Variants in UPB1 observed in about 807,000 individuals in gnomAD.
UPB1 encodes beta-ureidopropionase.
In UPB1, 40 loss-of-function variants were observed where a neutral mutation model predicts 49.1. The observed-to-expected ratio is 0.81, with a 90% confidence interval of 0.63 to 1.06. The LOEUF (loss-of-function observed/expected upper bound fraction) is 1.06, where lower values mean the gene tolerates loss of function less well. Ranked by LOEUF, UPB1 falls within the 50% of genes least tolerant of loss-of-function variation. UPB1 has a pLI of 0.00. For synonymous variants in UPB1, 207 were observed against 198.2 expected, an observed-to-expected ratio of 1.04 and a Z score of -0.38; for missense variants, 499 against 505.9, an observed-to-expected ratio of 0.99 and a Z score of 0.13.
At chr22:24,518,157 A>AG (rs2044329073) in intron 6 of UPB1, 1 of 152,116 alleles carries the variant, frequency 6.6e-6, no homozygotes, top group Non-Finnish European at 1.5e-5. Flanking sequence ...AGAACAAGAC[A>AG]GAAAAAAAAA....
intron 7 of UPB1, among the ~76,000 whole-genome samples, chr22:24,520,672 A>G (rs1391425790): frequency 6.6e-6 from 1 of 152,214 alleles, no homozygotes; most frequent in Non-Finnish European, 1.5e-5. Flanking sequence ...AAGATCTTTG[A>G]CATGGCAGTT....
chr22:24,526,218 C>T lies in UPB1; in HGVS notation c.*424C>T, dbSNP rs1398663614. ...AGCCTACAGCAAGGCTGTGGTGGGTCGGATGGTCTTTGGATGTGTCAGCTT... is the reference window on the plus strand; with the variant it reads ...AGCCTACAGCAAGGCTGTGGTGGGTTGGATGGTCTTTGGATGTGTCAGCTT... On this transcript the variant is annotated 3_prime_UTR_variant, in exon 10 of 10. Transcript: ENST00000326010. 1.0e-5 allele frequency: 3 copies of T among 296,794 alleles called. No individual in the cohort carries two copies. The highest frequency in any genetic ancestry group is 6.2e-5 in the South Asian group (2 of 32,122). The allele number at this position is 296,794 out of a possible 1,614,324, so 18.4% of individuals were successfully genotyped here. A position where few individuals can be genotyped will look rare whatever the true frequency, so the allele number is the denominator to read the frequency against.
At chr22:24,495,618 A>G in intron 1 of UPB1, 111 bp downstream of exon 1, 1 of 1,205,620 alleles carries the variant, frequency 8.3e-7, no homozygotes, top group Non-Finnish European at 1.2e-6. Flanking sequence ...AGGCGGTGAG[A>G]AGTCCTGAGT....
intron 8 of UPB1, among the ~76,000 whole-genome samples, chr22:24,523,314 A>G (rs1482191520): frequency 6.6e-6 from 1 of 152,214 alleles, no homozygotes; most frequent in Admixed American, 6.5e-5. Context: ...CCCCATAGGA[A>G]GCCCCCAGAG....
chr22:24,505,775 C>T (rs1416430133), intron 3 of UPB1, among the ~76,000 whole-genome samples: 3 of 152,116 alleles, frequency 2.0e-5, no homozygotes, highest in East Asian at 1.9e-4. Flanking sequence ...GGCAGTGGCG[C>T]GATCTCAGCT....
rs1388838228 is a variant in UPB1 at position 24,513,504 on chromosome 22, A to G, written c.621+19A>G. 2 of 1,612,080 alleles carry G rather than the reference A, an allele frequency of 1.2e-6. No individual in the cohort carries two copies. Among genetic ancestry groups the G allele is most frequent in the African/African-American group, 1.3e-5 (1 of 74,856 alleles). On this transcript the variant is annotated intron_variant, in intron 5 of 9. Transcript: ENST00000326010. ...CAACGAGGTGAGCCACCCATAAGAT[A>G]GATAACCAGCCCTGCTCACTTGCCC...
At position 24,526,220 on chromosome 22, in the gene UPB1, G is replaced by A. The variant is rs2044479819; in HGVS notation, c.*426G>A. ...CCTACAGCAAGGCTGTGGTGGGTCG[G>A]ATGGTCTTTGGATGTGTCAGCTTAG... On this transcript the variant is annotated 3_prime_UTR_variant, in exon 10 of 10. Transcript: ENST00000326010. 1 of 298,996 alleles carries A rather than the reference G, an allele frequency of 3.3e-6. No individual in the cohort carries two copies. The highest frequency in any genetic ancestry group is 6.6e-6 in the Non-Finnish European group (1 of 152,474). 18.5% of individuals were successfully genotyped at this position (298,996 alleles called of 1,614,324 possible).
chr22:24,513,183 G>A, intron 4 of UPB1, 141 bp from the exon 5 acceptor site: 1 of 1,152,602 alleles, frequency 8.7e-7, no homozygotes, highest in Non-Finnish European at 1.3e-6. Context: ...ATGGACATCA[G>A]GGTATTTAGT....
At chr22:24,503,019 G>A (rs1184939279) in intron 3 of UPB1, 1 of 155,362 alleles carries the variant, frequency 6.4e-6, no homozygotes, top group African/African-American at 2.4e-5. Context: ...CAAGTAGCTG[G>A]GACCACAGGT....
chr22:24,511,066 A>C lies in UPB1; in HGVS notation c.459+223A>C, dbSNP rs554108086. ...GAAGGGCCATTAGCTTTTTCAGGCAAGGGAGCTGCAGCCCAGGGAGGGTGG... is the reference window on the plus strand; with the variant it reads ...GAAGGGCCATTAGCTTTTTCAGGCACGGGAGCTGCAGCCCAGGGAGGGTGG... On this transcript the variant is annotated intron_variant, in intron 4 of 9. Coordinates refer to ENST00000326010, the MANE Select transcript of UPB1 (RefSeq NM_016327.3). Among the ~76,000 whole-genome samples, 153 of 152,208 alleles carry C rather than the reference A, an allele frequency of 1.0e-3. 2 individuals are homozygous for C. The highest frequency in any genetic ancestry group is 3.5e-3 in the African/African-American group (144 of 41,534).
rs150338561 is a variant in UPB1 at position 24,523,697 on chromosome 22, G to A, written c.995G>A (p.Arg332His). 36 of 1,614,136 alleles carry A rather than the reference G, an allele frequency of 2.2e-5. No individual in the cohort carries two copies. The highest frequency in any genetic ancestry group is 1.3e-4 in the South Asian group (12 of 91,094). The stretch of plus-strand genomic sequence containing the variant: ...AGCAGCCGGACTCCTGGGCTGTCCC[G>A]TAGCCGGGATGGACTGCTAGTTGCT... ...PDSSRTPGLS[R>H]SRDGLLVAKL... Residue 332 changes from arginine (R) to histidine (H), a missense_variant, in exon 9 of 10, where the codon CGT (arginine) becomes CAT (histidine). Transcript: ENST00000326010.
At chr22:24,509,288 G>T (rs2044148463) in intron 3 of UPB1, among the ~76,000 whole-genome samples, 1 of 142,412 alleles carries the variant, frequency 7.0e-6, no homozygotes, top group Non-Finnish European at 1.5e-5. Context: ...ATAGGAGACT[G>T]CTCTGAACTT....
intron 3 of UPB1, among the ~76,000 whole-genome samples, chr22:24,504,788 C>T: frequency 7.4e-6 from 1 of 135,404 alleles, no homozygotes; most frequent in Admixed American, 8.7e-5. Context: ...AGTGCAGTGG[C>T]ACAATCACAG....
chr22:24,509,581 A>G (rs965316478), intron 3 of UPB1, among the ~76,000 whole-genome samples: 4 of 151,886 alleles, frequency 2.6e-5, no homozygotes, highest in African/African-American at 9.7e-5. Context: ...CCTTGTCACT[A>G]GGAGGAGGGG....
intron 4 of UPB1, among the ~76,000 whole-genome samples, chr22:24,512,136 GAA>G (rs140329): frequency 6.8e-6 from 1 of 147,380 alleles, no homozygotes; most frequent in Non-Finnish European, 1.5e-5. Context: ...GGCTGTAGGG[GAA>G]AAAAAAAAAT....
In UPB1 at chr22:24,526,436, A is replaced by G. The variant is rs1016302119; in HGVS notation, c.*642A>G. ...AGCTAAGGGTTTCCCTGAGGAAGAA[A>G]TTCTGCCTGAGGACAGCAGCCCAGT... On this transcript the variant is annotated 3_prime_UTR_variant, in exon 10 of 10. Coordinates refer to ENST00000326010, the MANE Select transcript of UPB1 (RefSeq NM_016327.3). The G allele has an allele frequency of 4.4e-5, 7 of 158,184 alleles. No individual in the cohort carries two copies. The highest frequency in any genetic ancestry group is 1.7e-4 in the African/African-American group (7 of 41,494). The allele number at this position is 158,184 out of a possible 1,614,324, so 9.8% of individuals were successfully genotyped here.
intron 7 of UPB1, 23 bp downstream of exon 7, chr22:24,520,491 G>T: frequency 6.2e-7 from 1 of 1,611,818 alleles, no homozygotes; most frequent in Non-Finnish European, 8.5e-7. Flanking sequence ...GTCTGGCTGG[G>T]GAGAGGAGCC....
Position 24,523,613 on chromosome 22 carries a change from T to G in UPB1, c.917-6T>G, listed in dbSNP as rs1228159197. The stretch of plus-strand genomic sequence containing the variant: ...CTCACAGATGTGTTTCTTTGTTCCT[T>G]TAAAGCTCACCAGGACTTTGGCTAC... On this transcript the variant is annotated splice_region_variant and splice_polypyrimidine_tract_variant and intron_variant, in intron 8 of 9. Coordinates refer to ENST00000326010, the MANE Select transcript of UPB1 (RefSeq NM_016327.3). 1 of 1,614,232 alleles carries G rather than the reference T, an allele frequency of 6.2e-7. No homozygotes were observed.
chr22:24,517,928 G>T (rs558666965), intron 6 of UPB1, among the ~76,000 whole-genome samples: 4 of 152,212 alleles, frequency 2.6e-5, no homozygotes, highest in Non-Finnish European at 5.9e-5. Context: ...CCTTTGGGAG[G>T]CCAAGGCTGG....
Sources: allele counts gnomAD v4.1 joint callset (sites outside exome capture counted in the v4.1 genomes callset), GRCh38; gene constraint gnomAD v4.1.1; transcripts MANE v1.5; gene names NCBI Gene and HGNC (gene_info 2026-07-23, HGNC 2026-07-21).